Variants in LPIN2 observed in about 807,000 individuals in gnomAD.
The protein encoded by LPIN2 is lipin 2.
A neutral mutation model predicts 111.4 loss-of-function variants in LPIN2; 55 were observed. The observed-to-expected ratio is 0.49, with a 90% CI of 0.40 to 0.62. LPIN2 has a LOEUF of 0.62. Among genes scored for constraint, LPIN2 ranks in the 20% least tolerant of loss-of-function variants. The pLI is 0.00. For missense variants in LPIN2, 992 were observed against 1,112.1 expected (o/e 0.89, Z 1.54); for synonymous variants, 425 against 414.0 (o/e 1.03, Z -0.32).
chr18:2,980,111 C>T (rs924000381), intron 1 of LPIN2, among the ~76,000 whole-genome samples: 18 of 152,172 alleles, frequency 1.2e-4, no homozygotes, highest in African/African-American at 4.1e-4. Context: ...GGAGCTAAAA[C>T]ATGGCTTGAA....
intron 1 of LPIN2, among the ~76,000 whole-genome samples, chr18:2,969,098 CAA>C (rs1342869062): frequency 6.6e-6 from 1 of 152,084 alleles, no homozygotes; most frequent in East Asian, 1.9e-4. Context: ...CACACTGCTT[CAA>C]AAGTTTGTGT....
chr18:2,978,828 C>T (rs775023818), intron 1 of LPIN2, among the ~76,000 whole-genome samples: 30 of 152,318 alleles, frequency 2.0e-4, no homozygotes, highest in Non-Finnish European at 3.5e-4. Flanking sequence ...TTCTCACCCC[C>T]GGTGCACGTT....
In LPIN2 at chr18:2,922,109, G is replaced by A. The variant is rs2144118754; in HGVS notation, c.2265C>T (p.Gly755=). The change falls in exon 17 of 20, where the codon GGC becomes GGT. Residue 755 remains glycine (G), a synonymous_variant. Coordinates refer to ENST00000677752, the MANE Select transcript of LPIN2 (RefSeq NM_001375808.2). ...TCAGGGGGCCCCGGGGCAAGATTGT[G>A]CCCTTGTCATTGACCCAGTGCAGGT... ...RGYLHWVNDK[G]TILPRGPLML... 1 of 1,614,096 alleles carries A rather than the reference G, an allele frequency of 6.2e-7. No individual in the cohort carries two copies. Among genetic ancestry groups the A allele is most frequent in the South Asian group, 1.1e-5 (1 of 91,090 alleles).
chr18:3,002,637 T>C (rs905029727), intron 1 of LPIN2, among the ~76,000 whole-genome samples: 6 of 152,216 alleles, frequency 3.9e-5, no homozygotes, highest in Admixed American at 3.9e-4. Flanking sequence ...GATTTCTAAC[T>C]TTGGCACTAT....
intron 10 of LPIN2, 122 bp downstream of exon 10, chr18:2,928,943 G>A: frequency 1.3e-6 from 1 of 741,090 alleles, no homozygotes; most frequent in East Asian, 2.5e-5. Context: ...ATTGCCCACT[G>A]GCTAATTTAT....
intron 4 of LPIN2, among the ~76,000 whole-genome samples, chr18:2,947,257 T>C (rs1598554522): frequency 6.6e-6 from 1 of 152,212 alleles, no homozygotes; most frequent in Admixed American, 6.5e-5. Flanking sequence ...GCATGTTTCA[T>C]ATATTTGCAC....
chr18:2,927,866 A>G (rs1310997253), intron 11 of LPIN2, 55 bp from the exon 12 acceptor site: 3 of 1,422,802 alleles, frequency 2.1e-6, no homozygotes, highest in Non-Finnish European at 3.0e-6. Flanking sequence ...CACAGCACCT[A>G]CCTTCTATGC....
chr18:3,002,889 C>A (rs977410682), intron 1 of LPIN2, among the ~76,000 whole-genome samples: 9 of 152,208 alleles, frequency 5.9e-5, no homozygotes, highest in African/African-American at 1.7e-4. Context: ...CAGAAGCAGA[C>A]CTACTTGATT....
chr18:2,971,288 A>C (rs1598584705), intron 1 of LPIN2, among the ~76,000 whole-genome samples: 1 of 152,226 alleles, frequency 6.6e-6, no homozygotes, highest in South Asian at 2.1e-4. Flanking sequence ...AGGAACGTAC[A>C]TCCACAACAG....
chr18:2,930,844 A>T (rs1047262281), intron 9 of LPIN2, among the ~76,000 whole-genome samples: 2 of 152,158 alleles, frequency 1.3e-5, no homozygotes, highest in African/African-American at 4.8e-5. Context: ...GTGGACAATC[A>T]ATTTTCTACA....
At chr18:2,934,833 G>C (rs2077263547) in intron 7 of LPIN2, among the ~76,000 whole-genome samples, 1 of 152,218 alleles carries the variant, frequency 6.6e-6, no homozygotes, top group Admixed American at 6.5e-5. Flanking sequence ...ATGAAGGCAA[G>C]GTTGTCTGGG....
chr18:2,926,262 T>C (rs570067863), intron 13 of LPIN2, among the ~76,000 whole-genome samples: 58 of 152,206 alleles, frequency 3.8e-4, no homozygotes, highest in Non-Finnish European at 6.5e-4. Context: ...AAGCATGCAC[T>C]GGCCGGGGGA....
chr18:2,921,484 C>T (rs1285287076), intron 18 of LPIN2, 49 bp downstream of exon 18: 1 of 1,372,624 alleles, frequency 7.3e-7, no homozygotes. Flanking sequence ...CGAAGTACAT[C>T]CCTCTGAATT....
At chr18:2,952,750 G>T (rs2077555760) in intron 3 of LPIN2, among the ~76,000 whole-genome samples, 1 of 152,068 alleles carries the variant, frequency 6.6e-6, no homozygotes, top group Admixed American at 6.6e-5. Flanking sequence ...GTTTCTGGTG[G>T]TATTTCTTAG....
At chr18:3,002,236 C>CAAAAAAAAAAAA (rs765641037) in intron 1 of LPIN2, among the ~76,000 whole-genome samples, 3 of 82,810 alleles carry the variant, frequency 3.6e-5, no homozygotes, top group African/African-American at 9.4e-5. Context: ...TTCAAAAGAC[C>CAAAAAAAAAAAA]AAAAAAAAAA....
rs573799238 is a variant in LPIN2 at position 2,968,060 on chromosome 18, C to A, written c.-9-7211G>T. ...TCCTAGACCTTCAGTGGAGAAAGAG[C>A]CCCAAATGTCTCCTCAAGAACACAG... On this transcript the variant is annotated intron_variant, in intron 1 of 19. Coordinates refer to ENST00000677752, the MANE Select transcript of LPIN2 (RefSeq NM_001375808.2). Among the ~76,000 whole-genome samples the A allele has an allele frequency of 4.6e-5, 7 of 152,266 alleles. No individual in the cohort carries two copies. In the South Asian group the frequency reaches 8.3e-4, roughly 18 times the overall value.
Position 2,923,853 on chromosome 18 carries a change from G to T in LPIN2, c.2096C>A (p.Ala699Asp), listed in dbSNP as rs751919598. Residue 699 changes from alanine to aspartate, a missense_variant, in exon 16 of 20, where the codon GCT (alanine) becomes GAT (aspartate). By Grantham distance (126) the Ala-to-Asp change is moderately radical. Coordinates refer to ENST00000677752, the MANE Select transcript of LPIN2 (RefSeq NM_001375808.2). ...DIDGTITKSD[A>D]LGQILPQLGK... The stretch of plus-strand genomic sequence containing the variant: ...CAGCTGTGGGAGAATCTGTCCCAAA[G>T]CATCCGACCTAAGAAGACGGTAGAA... 6.2e-7 allele frequency: 1 copy of T among 1,614,022 alleles called. No individual in the cohort carries two copies. Among genetic ancestry groups the T allele is most frequent in the South Asian group, 1.1e-5 (1 of 91,086 alleles).
At chr18:2,921,067 G>C in intron 18 of LPIN2, 186 bp from the exon 19 acceptor site, 1 of 643,432 alleles carries the variant, frequency 1.6e-6, no homozygotes. Flanking sequence ...TGCTTGGAGA[G>C]TCAGAAAACT....
At chr18:2,986,547 T>TGAA (rs10692682) in intron 1 of LPIN2, among the ~76,000 whole-genome samples, 2,354 of 135,028 alleles carry the variant, frequency 0.017, 120 homozygotes, top group African/African-American at 0.057. Flanking sequence ...TTTTTTAATG[T>TGAA]AAAAAAAAAA....
Sources: gnomAD v4.1 joint callset for allele counts (sites outside exome capture counted in the v4.1 genomes callset) on GRCh38, gnomAD v4.1.1 for gene constraint, MANE v1.5 for transcripts, NCBI Gene and HGNC (gene_info 2026-07-23, HGNC 2026-07-21) for gene names.